PGCKA1: variants seen among roughly 807,000 people sequenced by gnomAD.
PGCKA1 encodes the protein PDCD10 and GCKIII kinases associated 1.
the PGCKA1 span, among the ~76,000 whole-genome samples, chr4:37,499,524 T>C: frequency 6.6e-6 from 1 of 152,204 alleles, no homozygotes; most frequent in East Asian, 1.9e-4. Flanking sequence ...TCTTCCTGGT[T>C]CAGTCTTGAG....
chr4:37,590,025 G>T, the PGCKA1 span: 1 of 1,150,374 alleles, frequency 8.7e-7, no homozygotes, highest in African/African-American at 1.5e-5. Flanking sequence ...AAGAAGCAGG[G>T]CCTGTGGTAA....
At chr4:37,479,201 A>C in the PGCKA1 span, among the ~76,000 whole-genome samples, 2 of 152,222 alleles carry the variant, frequency 1.3e-5, no homozygotes, top group Admixed American at 6.5e-5. Context: ...AAAGATTTTT[A>C]AGAAATTAAA....
chr4:37,523,342 C>T, the PGCKA1 span, among the ~76,000 whole-genome samples: 1 of 152,038 alleles, frequency 6.6e-6, no homozygotes, highest in Admixed American at 6.5e-5. Context: ...ACCACGCTGC[C>T]ATTGCTATGG....
chr4:37,552,399 G>A, the PGCKA1 span, among the ~76,000 whole-genome samples: 1 of 152,168 alleles, frequency 6.6e-6, no homozygotes, highest in East Asian at 1.9e-4. Flanking sequence ...GATGCTCCCA[G>A]CTGAATAAAA....
chr4:37,469,170 C>G, the PGCKA1 span, among the ~76,000 whole-genome samples: 3 of 152,158 alleles, frequency 2.0e-5, no homozygotes, highest in African/African-American at 7.2e-5. Flanking sequence ...GTAGTAGGCT[C>G]TACCATCTAG....
chr4:37,571,738 C>A, the PGCKA1 span, among the ~76,000 whole-genome samples: 2 of 151,822 alleles, frequency 1.3e-5, no homozygotes, highest in Admixed American at 1.3e-4. Context: ...GGGGTTTCAC[C>A]GTGTTAGCCA....
chr4:37,548,525 C>T, the PGCKA1 span, among the ~76,000 whole-genome samples: 1 of 151,144 alleles, frequency 6.6e-6, no homozygotes, highest in Non-Finnish European at 1.5e-5. Flanking sequence ...TGCTCTTTAA[C>T]AAAAATTATA....
chr4:37,541,428 T>A, the PGCKA1 span, among the ~76,000 whole-genome samples: 2 of 152,178 alleles, frequency 1.3e-5, no homozygotes, highest in Admixed American at 1.3e-4. Context: ...GGTACTTAAG[T>A]CTTGGGACAA....
At chr4:37,526,379 A>G in the PGCKA1 span, among the ~76,000 whole-genome samples, 9 of 152,350 alleles carry the variant, frequency 5.9e-5, no homozygotes, top group African/African-American at 1.4e-4. Context: ...GTAGGATTCT[A>G]TAGTTGCTTT....
the PGCKA1 span, among the ~76,000 whole-genome samples, chr4:37,487,668 T>A: frequency 1.3e-5 from 2 of 151,742 alleles, 1 homozygote; most frequent in South Asian, 4.2e-4. Flanking sequence ...CCCCATGGAG[T>A]CAATGACTGT....
chr4:37,523,051 C>A, the PGCKA1 span, among the ~76,000 whole-genome samples: 1 of 152,234 alleles, frequency 6.6e-6, no homozygotes, highest in Non-Finnish European at 1.5e-5. Flanking sequence ...TTAGGACTTG[C>A]CTAAGAGTTT....
At chr4:37,469,322 T>A in the PGCKA1 span, among the ~76,000 whole-genome samples, 1 of 152,234 alleles carries the variant, frequency 6.6e-6, no homozygotes. Context: ...TTCTCCTCAG[T>A]CAGCTGTAAG....
the PGCKA1 span, chr4:37,590,939 CG>C: frequency 6.2e-7 from 1 of 1,614,064 alleles, no homozygotes; most frequent in South Asian, 1.1e-5. Flanking sequence ...GCAGCGGTGG[CG>C]GAGGCCCTTG....
chr4:37,569,210 A>AT, the PGCKA1 span, among the ~76,000 whole-genome samples: 1 of 151,496 alleles, frequency 6.6e-6, no homozygotes, highest in South Asian at 2.1e-4. Flanking sequence ...ATTTTATTTT[A>AT]TTTTGAGATG....
chr4:37,565,527 CCA>C, the PGCKA1 span, among the ~76,000 whole-genome samples: 27 of 152,302 alleles, frequency 1.8e-4, no homozygotes, highest in African/African-American at 6.5e-4. Flanking sequence ...CCAGGCTCTT[CCA>C]CAGAGTTATT....
chr4:37,464,485 G>A, the PGCKA1 span, among the ~76,000 whole-genome samples: 1 of 152,126 alleles, frequency 6.6e-6, no homozygotes, highest in African/African-American at 2.4e-5. Context: ...CCCGCCCTTA[G>A]TAAATGTTTA....
chr4:37,492,679 C>T, the PGCKA1 span, among the ~76,000 whole-genome samples: 34 of 152,156 alleles, frequency 2.2e-4, no homozygotes, highest in African/African-American at 7.7e-4. This position sits in a 1 kb window ranked among gnomAD's most constrained non-coding sequence, Gnocchi z 4.7. Flanking sequence ...ATTCAGAAAC[C>T]TTCTGGTTTG....
chr4:37,557,317 G>A, the PGCKA1 span, among the ~76,000 whole-genome samples: 4 of 152,146 alleles, frequency 2.6e-5, no homozygotes, highest in Admixed American at 2.6e-4. Flanking sequence ...CATCAGAGAA[G>A]AGGCACATTG....
the PGCKA1 span, among the ~76,000 whole-genome samples, chr4:37,497,841 T>A: frequency 1.3e-5 from 2 of 152,212 alleles, no homozygotes; most frequent in Non-Finnish European, 2.9e-5. Context: ...GTCTGTTTAC[T>A]CTGCTGACTG....
Sources: allele counts gnomAD v4.1 joint callset (sites outside exome capture counted in the v4.1 genomes callset), GRCh38; gene constraint gnomAD v4.1.1; non-coding constraint Gnocchi (gnomAD v3.1); transcripts MANE v1.5; gene names NCBI Gene and HGNC (gene_info 2026-07-23, HGNC 2026-07-21).